The following ABCB5 variants were observed in gnomAD, a reference collection of about 807,000 sequenced individuals.
The protein encoded by ABCB5 is ATP binding cassette subfamily B member 5, also known as ATP-binding cassette sub-family B member 5.
In ABCB5, 155 loss-of-function variants were observed where a neutral mutation model predicts 144.2. The ratio of observed to expected loss-of-function variants is 1.08; its 90% CI spans 0.94 to 1.23. The LOEUF (loss-of-function observed/expected upper bound fraction) is 1.23, where lower values mean the gene tolerates loss of function less well. Among genes scored for constraint, ABCB5 ranks in the 50% most tolerant of loss-of-function variants. The pLI is 0.00. For synonymous variants in ABCB5, 610 were observed against 528.6 expected (o/e 1.15, Z -2.11); for missense variants, 1,830 against 1,520.8 (o/e 1.20, Z -3.38).
chr7:20,643,673 G>A (rs1324768275), intron 7 of ABCB5, 41 bp downstream of exon 7: 4 of 1,604,420 alleles, frequency 2.5e-6, no homozygotes, highest in African/African-American at 1.3e-5. Context: ...GGAAGCAGCA[G>A]TGTGGACTAA....
At chr7:20,619,884 C>T (rs949075116) in intron 1 of ABCB5, among the ~76,000 whole-genome samples, 4 of 152,138 alleles carry the variant, frequency 2.6e-5, no homozygotes, top group Admixed American at 2.0e-4. Context: ...CAGTTTCATT[C>T]TTCTGCATAT....
At chr7:20,679,147 T>G (rs1425687396) in intron 14 of ABCB5, among the ~76,000 whole-genome samples, 2 of 151,954 alleles carry the variant, frequency 1.3e-5, no homozygotes, top group Non-Finnish European at 2.9e-5. Flanking sequence ...ATTTTGAAAT[T>G]CTGTTCATGA....
rs146691678 is a variant in ABCB5 at position 20,690,232 on chromosome 7, C to T, written c.2010+4396C>T. On this transcript the variant is annotated intron_variant, in intron 16 of 27. Coordinates refer to ENST00000404938, the MANE Select transcript of ABCB5 (RefSeq NM_001163941.2). ...AGTATTACCAGTATTTGTGACATCA[C>T]GAACGGATACCACAGAAATTTTAAT... 8.2e-3 allele frequency among the ~76,000 whole-genome samples: 1,241 copies of T among 152,266 alleles called. 17 individuals carry two copies. Among genetic ancestry groups the T allele is most frequent in the African/African-American group, 0.029 (1,187 of 41,550 alleles).
chr7:20,651,932 C>A (rs1036440590), intron 13 of ABCB5, among the ~76,000 whole-genome samples: 3 of 151,796 alleles, frequency 2.0e-5, no homozygotes, highest in Admixed American at 1.3e-4. Flanking sequence ...CCCAGGGAAG[C>A]CAAAAAATTG....
chr7:20,744,782 T>A (rs11973873), intron 25 of ABCB5, among the ~76,000 whole-genome samples: 32,502 of 151,300 alleles, frequency 0.21, 3,577 homozygotes, highest in Non-Finnish European at 0.25. Flanking sequence ...ATTAAAAAAA[T>A]ATATATATAT....
At chr7:20,663,839 C>T (rs1446718315) in intron 14 of ABCB5, among the ~76,000 whole-genome samples, 1 of 151,626 alleles carries the variant, frequency 6.6e-6, no homozygotes, top group Non-Finnish European at 1.5e-5. Context: ...CCTCACCCTC[C>T]AGAGTAGCTG....
intron 7 of ABCB5, among the ~76,000 whole-genome samples, chr7:20,644,385 T>G (rs1583388597): frequency 6.6e-6 from 1 of 152,184 alleles, no homozygotes; most frequent in East Asian, 1.9e-4. Flanking sequence ...CCAGCCAAGT[T>G]TATACTTCAG....
At chr7:20,653,867 T>C (rs1784682456) in intron 13 of ABCB5, among the ~76,000 whole-genome samples, 1 of 152,046 alleles carries the variant, frequency 6.6e-6, no homozygotes, top group Admixed American at 6.5e-5. Flanking sequence ...TGCGGGGGCG[T>C]TGAAAGTGCA....
intron 3 of ABCB5, among the ~76,000 whole-genome samples, chr7:20,626,854 G>T (rs977119435): frequency 4.9e-5 from 7 of 143,670 alleles, no homozygotes; most frequent in Non-Finnish European, 9.1e-5. Context: ...GTGTTTTTGG[G>T]GTGTGTGTGT....
chr7:20,631,308 A>G (rs1305538696), intron 4 of ABCB5, among the ~76,000 whole-genome samples: 1 of 152,182 alleles, frequency 6.6e-6, no homozygotes. Flanking sequence ...TTCCATAAAT[A>G]GAATAAGGGA....
At chr7:20,728,217 T>C in intron 22 of ABCB5, 98 bp from the exon 23 acceptor site, 5 of 1,382,580 alleles carry the variant, frequency 3.6e-6, no homozygotes, top group Non-Finnish European at 3.9e-6. Context: ...CACCAAATTA[T>C]AACATTTCAA....
intron 13 of ABCB5, among the ~76,000 whole-genome samples, chr7:20,657,763 T>C (rs1784857510): frequency 6.6e-6 from 1 of 152,218 alleles, no homozygotes; most frequent in Admixed American, 6.5e-5. Context: ...CATTTTATTG[T>C]GTGTAAATTT....
rs34687757 is a variant in ABCB5 at position 20,749,395 on chromosome 7, A to ATTTTTTTT, written c.3430-3949_3430-3942dup. 1.2e-4 allele frequency among the ~76,000 whole-genome samples: 10 copies of ATTTTTTTT among 81,942 alleles called. 1 individual carries two copies. Among genetic ancestry groups the ATTTTTTTT allele is most frequent in the African/African-American group, 4.6e-4 (8 of 17,574 alleles). The allele number at this position is 81,942 out of a possible 152,430, so 53.8% of individuals were successfully genotyped here. A position where few individuals can be genotyped will look rare whatever the true frequency, so the allele number is the denominator to read the frequency against. On this transcript the variant is annotated intron_variant, in intron 26 of 27. Coordinates refer to ENST00000404938, the MANE Select transcript of ABCB5 (RefSeq NM_001163941.2). ...GGTGCCTGCCACCTATGCCTGCCTA[A>ATTTTTTTT]TTTTTTTTTTTTTTTTTTTTTTTGC... is the stretch of plus-strand genomic sequence containing the variant.
At chr7:20,724,628 C>CA (rs34395637) in intron 21 of ABCB5, among the ~76,000 whole-genome samples, 1,545 of 88,532 alleles carry the variant, frequency 0.017, 39 homozygotes, top group African/African-American at 0.059. Flanking sequence ...AGCTCTGTCT[C>CA]AAAAAAAAAA....
chr7:20,681,549 T>C lies in ABCB5; in HGVS notation c.1752T>C (p.Ser584=). The C allele has an allele frequency of 3.7e-6, 6 of 1,614,220 alleles. No homozygotes were observed. The highest frequency in any genetic ancestry group is 5.1e-6 in the Non-Finnish European group (6 of 1,180,040). The change falls in exon 15 of 28, where the codon TCT becomes TCC. Residue 584 remains serine, a synonymous_variant. Transcript: ENST00000404938. ...CAATCGTGGTAGCACACCGACTTTC[T>C]ACTATTCGAAGTGCAGATTTGATTG... ...RTTIVVAHRL[S]TIRSADLIVT...
intron 14 of ABCB5, among the ~76,000 whole-genome samples, chr7:20,676,992 T>C (rs1434792653): frequency 3.3e-5 from 5 of 152,218 alleles, no homozygotes; most frequent in Admixed American, 2.6e-4. Flanking sequence ...AATCTATATA[T>C]ACTGCTTGCT....
intron 14 of ABCB5, among the ~76,000 whole-genome samples, chr7:20,674,775 C>CAA (rs1028804482): frequency 6.7e-6 from 1 of 149,414 alleles, no homozygotes; most frequent in African/African-American, 2.5e-5. Context: ...CACACACACA[C>CAA]ACACACACAA....
intron 16 of ABCB5, among the ~76,000 whole-genome samples, chr7:20,686,075 T>G (rs1785985732): frequency 2.0e-5 from 3 of 152,120 alleles, no homozygotes; most frequent in Admixed American, 6.6e-5. Context: ...CTCGTGAGAC[T>G]GTTACATGAT....
intron 26 of ABCB5, among the ~76,000 whole-genome samples, chr7:20,749,659 A>G (rs566514608): frequency 3.3e-5 from 5 of 152,132 alleles, no homozygotes; most frequent in African/African-American, 4.8e-5. Context: ...ATGAAGCCCA[A>G]TAGTTAAGAT....
Sources: gnomAD v4.1 joint callset for allele counts (sites outside exome capture counted in the v4.1 genomes callset) on GRCh38, gnomAD v4.1.1 for gene constraint, MANE v1.5 for transcripts, NCBI Gene and HGNC (gene_info 2026-07-23, HGNC 2026-07-21) for gene names.